The following TIA1 variants were observed in gnomAD, a reference collection of about 807,000 sequenced individuals.
TIA1 encodes the protein cytotoxic granule associated RNA binding protein TIA1.
In TIA1, 23 loss-of-function variants were observed where a neutral mutation model predicts 65.9. The ratio of observed to expected loss-of-function variants is 0.35; its 90% CI spans 0.25 to 0.49. TIA1 has a LOEUF of 0.49. Among genes scored for constraint, TIA1 ranks in the 20% least tolerant of loss-of-function variants. The pLI, the probability that TIA1 is intolerant of heterozygous loss-of-function variation, is 0.98. For missense variants in TIA1, 371 were observed against 477.9 expected, an observed-to-expected ratio of 0.78 and a Z score of 2.09; for synonymous variants, 147 against 149.4, an observed-to-expected ratio of 0.98 and a Z score of 0.12.
intron 1 of TIA1, among the ~76,000 whole-genome samples, chr2:70,246,847 C>CT (rs1169284408): frequency 6.6e-6 from 1 of 152,162 alleles, no homozygotes; most frequent in Non-Finnish European, 1.5e-5. Context: ...AATCGCATCA[C>CT]TGCACTCTAG....
chr2:70,230,513 G>T (rs1685762167), intron 3 of TIA1, among the ~76,000 whole-genome samples: 1 of 151,972 alleles, frequency 6.6e-6, no homozygotes, highest in African/African-American at 2.4e-5. Context: ...TTAGCTGGGT[G>T]TGGTGGTGCG....
chr2:70,221,950 G>A (rs1224725089), intron 7 of TIA1, among the ~76,000 whole-genome samples: 2 of 151,862 alleles, frequency 1.3e-5, no homozygotes, highest in Non-Finnish European at 2.9e-5. Flanking sequence ...ACCATGCCTG[G>A]CTCATTTTTT....
intron 1 of TIA1, among the ~76,000 whole-genome samples, chr2:70,246,279 G>A (rs1382716641): frequency 6.6e-6 from 1 of 152,156 alleles, no homozygotes; most frequent in Non-Finnish European, 1.5e-5. Context: ...ACCACACTAA[G>A]AACATATATT....
intron 7 of TIA1, among the ~76,000 whole-genome samples, chr2:70,221,513 A>G (rs1018357370): frequency 3.9e-5 from 6 of 152,078 alleles, no homozygotes; most frequent in African/African-American, 1.4e-4. Flanking sequence ...ATGATCCAGT[A>G]GAGAAGGAAT....
rs1368079700 is a variant in TIA1 at position 70,248,561 on chromosome 2, T to C, written c.-131A>G. 9 of 1,394,024 alleles carry C rather than the reference T, an allele frequency of 6.5e-6. No individual in the cohort carries two copies. The highest frequency in any genetic ancestry group is 2.4e-5 in the East Asian group (1 of 40,856). The allele number at this position is 1,394,024 out of a possible 1,614,324, so 86.4% of individuals were successfully genotyped here. On this transcript the variant is annotated 5_prime_UTR_variant, in exon 1 of 13. Transcript: ENST00000433529. ...GACCAGAGGTTACTCCGCCTCCTCC[T>C]CCGGCGGCAATTACACTAAACCGCC... is the stretch of plus-strand genomic sequence containing the variant.
rs573942826 is a variant in TIA1 at position 70,213,997 on chromosome 2, G to T, written c.1034+352C>A. ...TCTCAAGTATTTTTATTTCCAGTGT[G>T]TTTTTCAGAAATGTAAGTAAAATAG... On this transcript the variant is annotated intron_variant, in intron 12 of 12. Transcript: ENST00000433529. Among the ~76,000 whole-genome samples, 4 of 152,214 alleles carry T rather than the reference G, an allele frequency of 2.6e-5. No individual in the cohort carries two copies. The East Asian group carries it at 5.8e-4, about 22-fold the overall frequency.
intron 7 of TIA1, among the ~76,000 whole-genome samples, chr2:70,219,933 C>A (rs1189403391): frequency 6.6e-6 from 1 of 152,074 alleles, no homozygotes; most frequent in East Asian, 1.9e-4. Context: ...CCAGTCCGAA[C>A]TCCATGAGAC....
chr2:70,228,200 T>C (rs1170234231), intron 5 of TIA1: 1 of 581,466 alleles, frequency 1.7e-6, no homozygotes, highest in African/African-American at 2.0e-5. Context: ...TACCACTATA[T>C]TAAGGCTTTA....
chr2:70,248,651 C>T (rs537921774), upstream of TIA1: 4 of 627,744 alleles, frequency 6.4e-6, no homozygotes, highest in South Asian at 2.0e-5. Flanking sequence ...TAGGAGCAGC[C>T]AGCAAAGTTA....
rs2103813849 is a variant in TIA1, at chr2:70,212,506, A to T, written c.*213T>A. The T allele has an allele frequency of 2.5e-6, 1 of 408,148 alleles. No individual in the cohort carries two copies. The highest frequency in any genetic ancestry group is 3.3e-5 in the South Asian group (1 of 30,352). The allele number at this position is 408,148 out of a possible 1,614,324, so 25.3% of individuals were successfully genotyped here. ...TCTGAGAAACTTTATCAAAAAAGGTAATGAAGGCAAAAATTGGCAGACATC... is the reference window on the plus strand; with the variant it reads ...TCTGAGAAACTTTATCAAAAAAGGTTATGAAGGCAAAAATTGGCAGACATC... On this transcript the variant is annotated 3_prime_UTR_variant, in exon 13 of 13. Transcript: ENST00000433529.
intron 2 of TIA1, among the ~76,000 whole-genome samples, chr2:70,233,602 C>T (rs573546268): frequency 1.3e-5 from 2 of 152,102 alleles, no homozygotes; most frequent in South Asian, 4.2e-4. Context: ...CCTGTCTCTA[C>T]TGAAAATACG....
At chr2:70,220,924 G>A (rs947424247) in intron 7 of TIA1, among the ~76,000 whole-genome samples, 5 of 151,514 alleles carry the variant, frequency 3.3e-5, no homozygotes, top group African/African-American at 1.2e-4. Context: ...CCACCACTTT[G>A]GGAGGCCAAG....
chr2:70,210,748 T>C lies in TIA1; in HGVS notation c.*1971A>G, dbSNP rs763429479. 1 of 152,158 alleles carries C rather than the reference T, an allele frequency of 6.6e-6. No individual in the cohort carries two copies. The highest frequency in any genetic ancestry group is 1.5e-5 in the Non-Finnish European group (1 of 68,034). 9.4% of individuals were successfully genotyped at this position (152,158 alleles called of 1,614,324 possible). A position where few individuals can be genotyped will look rare whatever the true frequency, so the allele number is the denominator to read the frequency against. ...GAAATCTAAAAATAGCTTCCTGATATTTTATTTTAAAATATTTCATTTAAG... is the reference window on the plus strand; with the variant it reads ...GAAATCTAAAAATAGCTTCCTGATACTTTATTTTAAAATATTTCATTTAAG... On this transcript the variant is annotated 3_prime_UTR_variant, in exon 13 of 13. Coordinates refer to ENST00000433529, the MANE Select transcript of TIA1 (RefSeq NM_022173.4).
intron 1 of TIA1, among the ~76,000 whole-genome samples, chr2:70,247,382 G>A (rs1209384048): frequency 2.0e-5 from 3 of 152,290 alleles, no homozygotes; most frequent in African/African-American, 7.2e-5. Flanking sequence ...GAGCTGCAAA[G>A]AGAAACCTAA....
At chr2:70,229,415 G>GA in intron 3 of TIA1, 97 bp from the exon 4 acceptor site, 1 of 1,039,924 alleles carries the variant, frequency 9.6e-7, no homozygotes, top group South Asian at 1.4e-5. Flanking sequence ...TGTTTAAGAT[G>GA]AAACACTGAA....
At chr2:70,212,930 AAT>A (rs1676900711) in intron 12 of TIA1, 85 bp from the exon 13 acceptor site, 4 of 834,404 alleles carry the variant, frequency 4.8e-6, no homozygotes, top group Non-Finnish European at 8.1e-6. Context: ...AACAAGAACA[AAT>A]ATGGGAAATG....
chr2:70,219,926 G>C (rs973993094), intron 7 of TIA1, among the ~76,000 whole-genome samples: 2 of 151,934 alleles, frequency 1.3e-5, no homozygotes, highest in African/African-American at 4.8e-5. Context: ...ACCCCAACCA[G>C]TCCGAACTCC....
rs1482503994 is a variant in TIA1, at chr2:70,248,541, G to C, written c.-111C>G. 1.3e-6 allele frequency: 2 copies of C among 1,528,516 alleles called. No individual in the cohort carries two copies. Among genetic ancestry groups the C allele is most frequent in the East Asian group, 2.3e-5 (1 of 43,056 alleles). The allele number at this position is 1,528,516 out of a possible 1,614,324, so 94.7% of individuals were successfully genotyped here. A position where few individuals can be genotyped will look rare whatever the true frequency, so the allele number is the denominator to read the frequency against. ...GATAGTGGGGTTTCTCGGCTGACCA[G>C]AGGTTACTCCGCCTCCTCCTCCGGC... On this transcript the variant is annotated 5_prime_UTR_variant, in exon 1 of 13. Coordinates refer to ENST00000433529, the MANE Select transcript of TIA1 (RefSeq NM_022173.4).
chr2:70,239,326 T>G (rs1217887136), intron 1 of TIA1, among the ~76,000 whole-genome samples: 1 of 152,096 alleles, frequency 6.6e-6, no homozygotes, highest in Non-Finnish European at 1.5e-5. Flanking sequence ...TCTCCTGACC[T>G]CGTGATCTGC....
Sources: gnomAD v4.1 joint callset for allele counts (sites outside exome capture counted in the v4.1 genomes callset) on GRCh38, gnomAD v4.1.1 for gene constraint, MANE v1.5 for transcripts, NCBI Gene and HGNC (gene_info 2026-07-23, HGNC 2026-07-21) for gene names.